BANP: variants seen among roughly 807,000 people sequenced by gnomAD.
BANP encodes protein BANP.
Under a neutral mutation model 68.1 loss-of-function variants are expected in BANP, and 11 were observed. The observed-to-expected ratio is 0.16, with a 90% confidence interval of 0.10 to 0.27. The LOEUF is 0.27. BANP is among the 10% of genes least tolerant of loss of function. The pLI is 1.00. For synonymous variants in BANP, 329 were observed against 303.2 expected (o/e 1.09, Z -0.88); for missense variants, 504 against 722.7 (o/e 0.70, Z 3.47).
At chr16:88,048,609 A>G (rs956168528) in intron 11 of BANP, among the ~76,000 whole-genome samples, 1 of 152,048 alleles carries the variant, frequency 6.6e-6, no homozygotes, top group African/African-American at 2.4e-5. Context: ...TGTTCTCGGT[A>G]TTAAATCTGC....
intron 12 of BANP, among the ~76,000 whole-genome samples, chr16:88,069,499 C>T (rs1297986632): frequency 6.6e-6 from 1 of 152,184 alleles, no homozygotes; most frequent in African/African-American, 2.4e-5. Context: ...CTGGAGGGAG[C>T]CGGAGGGTAA....
chr16:87,993,292 C>T (rs908649707), intron 4 of BANP, among the ~76,000 whole-genome samples: 1 of 152,168 alleles, frequency 6.6e-6, no homozygotes, highest in African/African-American at 2.4e-5. Flanking sequence ...TGCCCATCAC[C>T]CAGTTAAGGA....
chr16:87,955,073 C>A (rs1382415420), intron 1 of BANP, among the ~76,000 whole-genome samples: 1 of 152,224 alleles, frequency 6.6e-6, no homozygotes, highest in Non-Finnish European at 1.5e-5. Context: ...AAGACCCTGA[C>A]TTTGGCTCCT....
intron 2 of BANP, among the ~76,000 whole-genome samples, chr16:87,977,230 C>A (rs1004739698): frequency 7.2e-5 from 11 of 152,088 alleles, no homozygotes; most frequent in Non-Finnish European, 1.3e-4. Context: ...CTGGCAAACA[C>A]GGTGAAGTCT....
At chr16:88,032,013 A>G (rs1032282938) in intron 8 of BANP, among the ~76,000 whole-genome samples, 4 of 152,118 alleles carry the variant, frequency 2.6e-5, no homozygotes, top group African/African-American at 9.7e-5. Flanking sequence ...CATGTTGGTC[A>G]GGCTGGTCTC....
intron 2 of BANP, among the ~76,000 whole-genome samples, chr16:87,976,474 GTTTTT>G (rs59786663): frequency 1.0e-5 from 1 of 95,972 alleles, no homozygotes; most frequent in African/African-American, 4.5e-5. Context: ...GTTTTAAAAA[GTTTTT>G]TTTTTTTTTT....
intron 6 of BANP, among the ~76,000 whole-genome samples, chr16:88,007,404 G>T (rs1417228965): frequency 6.6e-6 from 1 of 152,154 alleles, no homozygotes; most frequent in East Asian, 1.9e-4. Flanking sequence ...TCCTAGCGGG[G>T]GCCTCTCTCC....
At chr16:88,006,845 G>A (rs567143084) in intron 6 of BANP, among the ~76,000 whole-genome samples, 10 of 151,280 alleles carry the variant, frequency 6.6e-5, no homozygotes, top group Non-Finnish European at 1.2e-4. Context: ...CCAGCTACTT[G>A]GGAGGCTGAG....
At chr16:88,039,122 A>G (rs919625642) in intron 11 of BANP, among the ~76,000 whole-genome samples, 3 of 152,042 alleles carry the variant, frequency 2.0e-5, no homozygotes, top group Non-Finnish European at 2.9e-5. Flanking sequence ...AGGGCTGCAG[A>G]CCCTCCAGAA....
At chr16:87,966,574 A>G (rs1258375400) in intron 1 of BANP, 3 of 152,248 alleles carry the variant, frequency 2.0e-5, no homozygotes, top group Non-Finnish European at 4.4e-5. Context: ...AACAACTCGA[A>G]TAATGTGTGG....
chr16:87,953,586 A>G (rs866657038), intron 1 of BANP, among the ~76,000 whole-genome samples: 1 of 152,090 alleles, frequency 6.6e-6, no homozygotes, highest in Admixed American at 6.5e-5. Flanking sequence ...CAACTCTTCT[A>G]TCCCCTGGAC....
intron 6 of BANP, among the ~76,000 whole-genome samples, chr16:88,009,780 T>G (rs537168406): frequency 6.6e-6 from 1 of 152,230 alleles, no homozygotes; most frequent in East Asian, 1.9e-4. Context: ...GGACGCTAAC[T>G]CTCAGCTATT....
chr16:87,955,973 T>C (rs11640359), intron 1 of BANP, among the ~76,000 whole-genome samples: 52,467 of 152,040 alleles, frequency 0.35, 10,417 homozygotes, highest in Non-Finnish European at 0.47. Flanking sequence ...AGGTGATGTG[T>C]GTGCACCCTG....
chr16:87,988,511 C>T (rs931034381), intron 4 of BANP, among the ~76,000 whole-genome samples: 1 of 151,992 alleles, frequency 6.6e-6, no homozygotes, highest in Non-Finnish European at 1.5e-5. Context: ...ATGATCCACC[C>T]GCCTCGGCCT....
intron 13 of BANP, among the ~76,000 whole-genome samples, chr16:88,073,704 G>A (rs2090960064): frequency 6.6e-6 from 1 of 152,222 alleles, no homozygotes; most frequent in South Asian, 2.1e-4. Flanking sequence ...CCAGATAGGA[G>A]CGCTGCAGGA....
intron 6 of BANP, among the ~76,000 whole-genome samples, chr16:88,009,157 G>C (rs2072240556): frequency 1.3e-5 from 2 of 152,172 alleles, no homozygotes; most frequent in South Asian, 4.1e-4. Flanking sequence ...TCCATGGGGG[G>C]TGCGAATGTG....
chr16:88,001,307 G>A (rs2069244691), intron 4 of BANP, among the ~76,000 whole-genome samples: 1 of 104,780 alleles, frequency 9.5e-6, no homozygotes, highest in Non-Finnish European at 1.9e-5. Flanking sequence ...CACGTGCGCG[G>A]CTAGACTTAC....
At position 88,039,960 on chromosome 16, in the gene BANP, T is replaced by G. The variant is rs1398164376; in HGVS notation, c.1311+1949T>G. Among the ~76,000 whole-genome samples, 4 of 152,380 alleles carry G rather than the reference T, an allele frequency of 2.6e-5. No homozygotes were observed. In the East Asian group the frequency reaches 7.7e-4, roughly 29 times the overall value. Reference sequence around the variant, plus strand: ...ATGAATAAAGCTGCCGTACTACCACTTTTTATGTGAAACAAATAATAATTT... The same window carrying G: ...ATGAATAAAGCTGCCGTACTACCACGTTTTATGTGAAACAAATAATAATTT... On this transcript the variant is annotated intron_variant, in intron 11 of 13. Coordinates refer to ENST00000682872, the MANE Select transcript of BANP (RefSeq NM_001386991.1).
At chr16:87,982,448 G>A (rs545203800) in intron 3 of BANP, among the ~76,000 whole-genome samples, 2 of 152,296 alleles carry the variant, frequency 1.3e-5, no homozygotes, top group African/African-American at 4.8e-5. Context: ...GATGTTCTCC[G>A]GTTGTTGAAA....
Sources: gnomAD v4.1 joint callset for allele counts (sites outside exome capture counted in the v4.1 genomes callset) on GRCh38, gnomAD v4.1.1 for gene constraint, MANE v1.5 for transcripts, NCBI Gene and HGNC (gene_info 2026-07-23, HGNC 2026-07-21) for gene names.